Variants in SORL1 observed in about 807,000 individuals in gnomAD.
The protein encoded by SORL1 is sortilin related receptor 1, also known as sortilin-related receptor.
In SORL1, 127 loss-of-function variants were observed where a neutral mutation model predicts 273.7. The observed-to-expected ratio is 0.46, with a 90% CI of 0.40 to 0.54. The LOEUF (loss-of-function observed/expected upper bound fraction) is 0.54. Ranked by LOEUF, SORL1 falls within the 20% of genes least tolerant of loss-of-function variation. The pLI is 0.00. For missense variants in SORL1, 2,494 were observed against 2,846.1 expected, an observed-to-expected ratio of 0.88 and a Z score of 2.81; for synonymous variants, 1,031 against 1,067.4, an observed-to-expected ratio of 0.97 and a Z score of 0.66.
chr11:121,520,036 A>G (rs1319923022), intron 8 of SORL1, among the ~76,000 whole-genome samples: 2 of 152,148 alleles, frequency 1.3e-5, no homozygotes, highest in African/African-American at 4.8e-5. Flanking sequence ...GCATCACTTG[A>G]GCTGAGGAGT....
chr11:121,558,083 G>A (rs553962615), intron 19 of SORL1, among the ~76,000 whole-genome samples: 1 of 152,234 alleles, frequency 6.6e-6, no homozygotes, highest in African/African-American at 2.4e-5. Context: ...GGTAATCATT[G>A]TTAATAATGT....
At chr11:121,518,947 T>C (rs1861993111) in intron 8 of SORL1, among the ~76,000 whole-genome samples, 1 of 148,944 alleles carries the variant, frequency 6.7e-6, no homozygotes, top group Admixed American at 6.7e-5. Flanking sequence ...TCTTTTTTCT[T>C]TTTCTTTTTT....
chr11:121,613,053 A>G (rs1863589756), intron 40 of SORL1, among the ~76,000 whole-genome samples: 1 of 152,206 alleles, frequency 6.6e-6, no homozygotes, highest in Admixed American at 6.5e-5. Flanking sequence ...CTCCAACCTC[A>G]TGACCCTTAG....
rs546871649 is a variant in SORL1 at position 121,544,572 on chromosome 11, TG to T, written c.1865-669del. On this transcript the variant is annotated intron_variant, in intron 13 of 47. Coordinates refer to ENST00000260197, the MANE Select transcript of SORL1 (RefSeq NM_003105.6). ...AGTTTAATAAGTTTACTGATTTGCA[TG>T]GCATTGAGTCAAAGGTTGTGTATCA... is the stretch of plus-strand genomic sequence containing the variant. Among the ~76,000 whole-genome samples, 530 of 152,360 alleles carry T rather than the reference TG, an allele frequency of 3.5e-3. 1 individual carries two copies. The highest frequency in any genetic ancestry group is 0.012 in the African/African-American group (508 of 41,578).
rs1863863152 is a variant in SORL1 at position 121,630,684 on chromosome 11, A to G, written c.*1121A>G. On this transcript the variant is annotated 3_prime_UTR_variant, in exon 48 of 48. Transcript: ENST00000260197. The stretch of plus-strand genomic sequence containing the variant: ...CCATGCCCCCACCCAATCTAAAGAG[A>G]CAGTGCTGTACATTCTCATAGAGAT... 1 of 152,042 alleles carries G rather than the reference A, an allele frequency of 6.6e-6. No individual in the cohort carries two copies. Among genetic ancestry groups the G allele is most frequent in the African/African-American group, 2.4e-5 (1 of 41,386 alleles). The allele number at this position is 152,042 out of a possible 1,614,324, so 9.4% of individuals were successfully genotyped here. A position where few individuals can be genotyped will look rare whatever the true frequency, so the allele number is the denominator to read the frequency against.
intron 6 of SORL1, among the ~76,000 whole-genome samples, chr11:121,504,240 C>T (rs970427248): frequency 3.9e-5 from 6 of 152,098 alleles, no homozygotes; most frequent in Non-Finnish European, 7.4e-5. Context: ...GGCGAAACCC[C>T]GTCTCTACTA....
chr11:121,555,332 C>G lies in SORL1; in HGVS notation c.2571+14C>G, dbSNP rs573544381. Reference sequence around the variant, plus strand: ...AAAAAGATTGAGGTATGTGTATTTTCGTGCTGTTCTTAATTAAGGGAGCAG... The same window carrying G: ...AAAAAGATTGAGGTATGTGTATTTTGGTGCTGTTCTTAATTAAGGGAGCAG... On this transcript the variant is annotated intron_variant, in intron 18 of 47. Coordinates refer to ENST00000260197, the MANE Select transcript of SORL1 (RefSeq NM_003105.6). 4 of 1,612,738 alleles carry G rather than the reference C, an allele frequency of 2.5e-6. No individual in the cohort carries two copies. The African/African-American group carries it at 5.3e-5, about 22-fold the overall frequency.
chr11:121,539,452 C>T (rs482857), intron 12 of SORL1, among the ~76,000 whole-genome samples: 150,093 of 152,358 alleles, frequency 0.99, 73,987 homozygotes, highest in Middle Eastern at 1. Context: ...TCATAATTCT[C>T]CTAGAGATTA....
Position 121,586,359 on chromosome 11 carries a change from C to T in SORL1, c.3814+30C>T. Reference sequence around the variant, plus strand: ...GTTCATTCCTTGCCCCCAGGAAGCACTCAGGCCTAGTGATTATGAGTGAAG... The same window carrying T: ...GTTCATTCCTTGCCCCCAGGAAGCATTCAGGCCTAGTGATTATGAGTGAAG... On this transcript the variant is annotated intron_variant, in intron 27 of 47. Transcript: ENST00000260197. The T allele has an allele frequency of 2.0e-6, 3 of 1,516,416 alleles. No individual in the cohort carries two copies. In the East Asian group the frequency reaches 6.7e-5, roughly 34 times the overall value. The allele number at this position is 1,516,416 out of a possible 1,614,324, so 93.9% of individuals were successfully genotyped here. A position where few individuals can be genotyped will look rare whatever the true frequency, so the allele number is the denominator to read the frequency against.
At chr11:121,475,528 A>G (rs1861251885) in intron 2 of SORL1, among the ~76,000 whole-genome samples, 1 of 152,212 alleles carries the variant, frequency 6.6e-6, no homozygotes, top group Non-Finnish European at 1.5e-5. Flanking sequence ...TGGCAGCGGC[A>G]TGGCTGAGAA....
chr11:121,473,831 G>T (rs1044174624), intron 2 of SORL1, among the ~76,000 whole-genome samples: 2 of 152,096 alleles, frequency 1.3e-5, no homozygotes, highest in African/African-American at 4.8e-5. Flanking sequence ...GGAGGCGGAG[G>T]TTGCAGTGAG....
chr11:121,586,149 C>A, intron 26 of SORL1, 73 bp from the exon 27 acceptor site: 1 of 1,223,090 alleles, frequency 8.2e-7, no homozygotes, highest in Non-Finnish European at 1.2e-6. Flanking sequence ...GTGTGTACTC[C>A]CGCCAGCACT....
At chr11:121,457,417 G>A (rs1860925571) in intron 1 of SORL1, among the ~76,000 whole-genome samples, 2 of 152,138 alleles carry the variant, frequency 1.3e-5, no homozygotes, top group African/African-American at 2.4e-5. Context: ...CAATATTTTT[G>A]TATATCTTTC....
chr11:121,487,709 GA>G (rs919077761), intron 3 of SORL1, among the ~76,000 whole-genome samples: 1 of 152,200 alleles, frequency 6.6e-6, no homozygotes, highest in Non-Finnish European at 1.5e-5. Flanking sequence ...ACCCACTAGG[GA>G]GTGGGAATTG....
chr11:121,591,812 T>G (rs1458103913), intron 31 of SORL1, among the ~76,000 whole-genome samples: 1 of 152,218 alleles, frequency 6.6e-6, no homozygotes, highest in Non-Finnish European at 1.5e-5. Context: ...ATCTTTTCCC[T>G]TCTTCTGTGA....
chr11:121,560,401 C>G (rs1353062160), intron 21 of SORL1, among the ~76,000 whole-genome samples: 1 of 152,176 alleles, frequency 6.6e-6, no homozygotes, highest in Non-Finnish European at 1.5e-5. Flanking sequence ...AGTGGAAAGC[C>G]TTTATCATTT....
chr11:121,543,675 G>A lies in SORL1; in HGVS notation c.1813G>A (p.Glu605Lys), dbSNP rs1862381072. 1.2e-6 allele frequency: 2 copies of A among 1,614,042 alleles called. No homozygotes were observed. The highest frequency in any genetic ancestry group is 1.1e-5 in the South Asian group (1 of 91,086). Reference sequence around the variant, plus strand: ...CTTCACCATCTTTGGCTCGAACAAAGAGAATGTCCACAGCTGGCTGATCCT... The same window carrying A: ...CTTCACCATCTTTGGCTCGAACAAAAAGAATGTCCACAGCTGGCTGATCCT... ...TVFTIFGSNK[E>K]NVHSWLILQV... The change falls in exon 13 of 48, where the codon GAG becomes AAG. Residue 605 changes from glutamate (E) to lysine (K), a missense_variant. Transcript: ENST00000260197.
intron 3 of SORL1, among the ~76,000 whole-genome samples, chr11:121,484,367 C>T (rs1454754140): frequency 1.3e-5 from 2 of 152,136 alleles, no homozygotes. Context: ...GACCCATTGC[C>T]TGCCTCCAGT....
At chr11:121,552,709 T>C (rs1018863539) in intron 16 of SORL1, among the ~76,000 whole-genome samples, 2 of 152,168 alleles carry the variant, frequency 1.3e-5, no homozygotes, top group African/African-American at 4.8e-5. Flanking sequence ...AAATTGTAGG[T>C]AGATTTATTT....
Sources: allele counts gnomAD v4.1 joint callset (sites outside exome capture counted in the v4.1 genomes callset), GRCh38; gene constraint gnomAD v4.1.1; transcripts MANE v1.5; gene names NCBI Gene and HGNC (gene_info 2026-07-23, HGNC 2026-07-21).